HSD17B3: variants seen among roughly 807,000 people sequenced by gnomAD.
HSD17B3 encodes hydroxysteroid 17-beta dehydrogenase 3.
In HSD17B3, 29 loss-of-function variants were observed where a neutral mutation model predicts 41.1. The ratio of observed to expected loss-of-function variants is 0.71; its 90% CI spans 0.53 to 0.96. The LOEUF (loss-of-function observed/expected upper bound fraction) is 0.96. Ranked by LOEUF, HSD17B3 falls within the 40% of genes least tolerant of loss-of-function variation. The pLI is 0.00. For synonymous variants in HSD17B3, 126 were observed against 145.6 expected, an observed-to-expected ratio of 0.87 and a Z score of 0.97; for missense variants, 323 against 374.6, an observed-to-expected ratio of 0.86 and a Z score of 1.14.
chr9:96,239,523 T>C (rs1836351684), intron 10 of HSD17B3: 1 of 152,240 alleles, frequency 6.6e-6, no homozygotes, highest in African/African-American at 2.4e-5. Context: ...GTTGAGGTTC[T>C]ACATAAAAAT....
chr9:96,272,405 C>CTCTCTCTCTCTATA (rs1239816824), intron 2 of HSD17B3, among the ~76,000 whole-genome samples: 1 of 21,534 alleles, frequency 4.6e-5, no homozygotes, highest in Non-Finnish European at 8.8e-5. Flanking sequence ...CTCTCTCTCT[C>CTCTCTCTCTCTATA]TATATATATA....
chr9:96,273,703 C>T (rs1587760082), intron 2 of HSD17B3, among the ~76,000 whole-genome samples: 1 of 152,280 alleles, frequency 6.6e-6, no homozygotes, highest in East Asian at 1.9e-4. Flanking sequence ...CATAACTTCC[C>T]CCATGAGGGA....
At chr9:96,274,696 G>T (rs1028681220) in intron 2 of HSD17B3, among the ~76,000 whole-genome samples, 2 of 152,100 alleles carry the variant, frequency 1.3e-5, no homozygotes, top group African/African-American at 4.8e-5. Context: ...AAATTATCCA[G>T]TCAGAGACAA....
intron 1 of HSD17B3, among the ~76,000 whole-genome samples, chr9:96,300,209 G>GACACACACACACAC (rs55707445): frequency 0.014 from 1,581 of 116,346 alleles, 61 homozygotes; most frequent in Non-Finnish European, 0.019. Context: ...ACCCCAAGAG[G>GACACACACACACAC]ACACACACAC....
intron 2 of HSD17B3, among the ~76,000 whole-genome samples, chr9:96,256,626 G>T (rs911404622): frequency 2.0e-5 from 3 of 152,010 alleles, no homozygotes; most frequent in African/African-American, 7.2e-5. Context: ...AGCTGAGATC[G>T]TGCCACTGTA....
intron 4 of HSD17B3, among the ~76,000 whole-genome samples, chr9:96,252,120 TATTTCATGGATCAATC>T (rs1392674392): frequency 1.3e-5 from 2 of 150,836 alleles, no homozygotes; most frequent in East Asian, 3.8e-4. Context: ...TCAACTATAC[TATTTCATGGATCAATC>T]ACAGCAATGT....
intron 2 of HSD17B3, among the ~76,000 whole-genome samples, chr9:96,284,432 G>C (rs546175820): frequency 1.3e-5 from 2 of 152,108 alleles, no homozygotes; most frequent in Admixed American, 1.3e-4. Flanking sequence ...AACTAGTTGC[G>C]AGTATTCTTA....
At chr9:96,244,898 G>A (rs1219271226) in intron 8 of HSD17B3, among the ~76,000 whole-genome samples, 1 of 152,100 alleles carries the variant, frequency 6.6e-6, no homozygotes, top group Non-Finnish European at 1.5e-5. Flanking sequence ...TCTGGGAAGA[G>A]GACCTCCCAC....
intron 2 of HSD17B3, among the ~76,000 whole-genome samples, chr9:96,298,176 C>T (rs1827436432): frequency 6.6e-6 from 1 of 152,098 alleles, no homozygotes; most frequent in Non-Finnish European, 1.5e-5. Context: ...ACCAATGCCC[C>T]ACAAATTCCC....
At chr9:96,273,631 C>T (rs926123418) in intron 2 of HSD17B3, among the ~76,000 whole-genome samples, 1 of 152,152 alleles carries the variant, frequency 6.6e-6, no homozygotes, top group African/African-American at 2.4e-5. Flanking sequence ...ACCACTCCAG[C>T]CTTGGCACCA....
intron 1 of HSD17B3, 36 bp from the exon 2 acceptor site, chr9:96,298,498 T>C: frequency 1.9e-6 from 3 of 1,585,978 alleles, no homozygotes; most frequent in Non-Finnish European, 1.7e-6. Context: ...AAGACAGAAT[T>C]CATCTTTAAA....
intron 7 of HSD17B3, among the ~76,000 whole-genome samples, chr9:96,246,310 ACTG>A (rs1196413998): frequency 1.3e-5 from 2 of 152,134 alleles, no homozygotes; most frequent in African/African-American, 2.4e-5. Context: ...GTGTGCTGAA[ACTG>A]CCGTTCTCTT....
chr9:96,248,417 T>C (rs1836758954), intron 6 of HSD17B3, among the ~76,000 whole-genome samples: 2 of 152,216 alleles, frequency 1.3e-5, no homozygotes, highest in Admixed American at 1.3e-4. Flanking sequence ...CTGGCTTTCT[T>C]TGGGAAATCT....
intron 2 of HSD17B3, among the ~76,000 whole-genome samples, chr9:96,277,248 C>G (rs575810655): frequency 5.9e-5 from 9 of 151,504 alleles, no homozygotes; most frequent in Admixed American, 4.6e-4. Context: ...ATCTGTGCAG[C>G]AAAGGAAACA....
At chr9:96,283,464 T>A (rs1345483811) in intron 2 of HSD17B3, among the ~76,000 whole-genome samples, 3 of 152,216 alleles carry the variant, frequency 2.0e-5, no homozygotes, top group Non-Finnish European at 1.5e-5. Flanking sequence ...ACATCAATAA[T>A]GCACTAATGC....
At chr9:96,255,599 A>G (rs1442760628) in intron 2 of HSD17B3, among the ~76,000 whole-genome samples, 1 of 151,904 alleles carries the variant, frequency 6.6e-6, no homozygotes, top group African/African-American at 2.4e-5. Context: ...CGTGTTGGCC[A>G]GGCTGGTCTC....
At chr9:96,292,468 C>T (rs1827193541) in intron 2 of HSD17B3, among the ~76,000 whole-genome samples, 1 of 152,182 alleles carries the variant, frequency 6.6e-6, no homozygotes, top group Non-Finnish European at 1.5e-5. Flanking sequence ...CTGCCTCAGC[C>T]TCCCAAGTAG....
chr9:96,245,634 C>A (rs975677769), intron 7 of HSD17B3, among the ~76,000 whole-genome samples: 1 of 152,148 alleles, frequency 6.6e-6, no homozygotes, highest in Non-Finnish European at 1.5e-5. Flanking sequence ...GGATTTCCGC[C>A]GCACAGTGAT....
chr9:96,249,950 A>ACTAG (rs1342528422), intron 5 of HSD17B3, 164 bp from the exon 6 acceptor site: 1 of 1,519,032 alleles, frequency 6.6e-7, no homozygotes, highest in Non-Finnish European at 8.8e-7. Context: ...GCAAGCATGT[A>ACTAG]CTAGCATCAA....
Sources: allele counts gnomAD v4.1 joint callset (sites outside exome capture counted in the v4.1 genomes callset), GRCh38; gene constraint gnomAD v4.1.1; transcripts MANE v1.5; gene names NCBI Gene and HGNC (gene_info 2026-07-23, HGNC 2026-07-21).